WDR62: variants seen among roughly 807,000 people sequenced by gnomAD.
WDR62 encodes the protein WD repeat-containing protein 62.
WDR62 carries 112 observed loss-of-function variants against 160.6 expected under a neutral mutation model. The ratio of observed to expected loss-of-function variants is 0.70; its 90% CI spans 0.60 to 0.82. The LOEUF (loss-of-function observed/expected upper bound fraction) is 0.82, where lower values mean the gene tolerates loss of function less well. Among genes scored for constraint, WDR62 ranks in the 40% least tolerant of loss-of-function variants. WDR62 has a pLI of 0.00. For synonymous variants in WDR62, 792 were observed against 815.1 expected, an observed-to-expected ratio of 0.97 and a Z score of 0.48; for missense variants, 1,819 against 1,983.8, an observed-to-expected ratio of 0.92 and a Z score of 1.58.
intron 20 of WDR62, among the ~76,000 whole-genome samples, chr19:36,096,635 C>T (rs749593262): frequency 1.3e-5 from 2 of 150,874 alleles, no homozygotes; most frequent in Non-Finnish European, 2.9e-5. Context: ...GGCATGAACC[C>T]GGGAGGTGGA....
chr19:36,057,072 C>G (rs1249470391), intron 1 of WDR62, among the ~76,000 whole-genome samples: 1 of 152,158 alleles, frequency 6.6e-6, no homozygotes, highest in Non-Finnish European at 1.5e-5. Flanking sequence ...GCCTCGGCCT[C>G]CCAAAGTGCT....
At chr19:36,095,874 C>T (rs1548505) in intron 20 of WDR62, among the ~76,000 whole-genome samples, 63,007 of 152,184 alleles carry the variant, frequency 0.41, 13,673 homozygotes, top group East Asian at 0.56. Context: ...CAAAGTCTCT[C>T]ATCTACCTGT....
At chr19:36,072,639 G>T (rs1372649352) in intron 8 of WDR62, among the ~76,000 whole-genome samples, 1 of 152,076 alleles carries the variant, frequency 6.6e-6, no homozygotes, top group Non-Finnish European at 1.5e-5. Context: ...GCTAGCTCCT[G>T]GGTGCCTTTT....
chr19:36,073,043 A>G (rs1000650770), intron 8 of WDR62, among the ~76,000 whole-genome samples: 2 of 152,138 alleles, frequency 1.3e-5, no homozygotes, highest in African/African-American at 4.8e-5. Context: ...TTATCTTTCT[A>G]TGCTCAGAGA....
At chr19:36,102,302 C>T in intron 26 of WDR62, 151 bp downstream of exon 26, 2 of 1,189,086 alleles carry the variant, frequency 1.7e-6, no homozygotes, top group East Asian at 2.4e-5. Flanking sequence ...CGCTCTGTTG[C>T]CAGGCTGGAG....
At position 36,099,632 on chromosome 19, in the gene WDR62, C is replaced by G. The variant is rs764256165; in HGVS notation, c.2739+15C>G. The G allele has an allele frequency of 6.2e-6, 10 of 1,613,320 alleles. No homozygotes were observed. Among genetic ancestry groups the G allele is most frequent in the Non-Finnish European group, 8.5e-6 (10 of 1,179,590 alleles). Reference sequence around the variant, plus strand: ...TGCTGAGTGAGGTACACACTTCCACCGCAGCCTGGCCCATAGCCCCGGCAC... The same window carrying G: ...TGCTGAGTGAGGTACACACTTCCACGGCAGCCTGGCCCATAGCCCCGGCAC... On this transcript the variant is annotated intron_variant, in intron 22 of 31. Transcript: ENST00000401500.
the WDR62 span, among the ~76,000 whole-genome samples, chr19:36,110,406 G>T: frequency 3.9e-5 from 6 of 152,054 alleles, no homozygotes; most frequent in Non-Finnish European, 8.8e-5. Context: ...GGGAGGTGGA[G>T]GTTCCAGTGA....
At position 36,092,693 on chromosome 19, in the gene WDR62, G is replaced by C; in HGVS notation, c.2215G>C (p.Val739Leu). The change falls in exon 19 of 32, where the codon GTG (valine) becomes CTG (leucine). Residue 739 changes from valine to leucine, a missense_variant. Physicochemically the swap from Val to Leu is conservative, Grantham distance 32. Around this residue, in one of 3 missense-constraint regions of WDR62, gnomAD observed 934 missense variants for 1,157.2 expected, o/e 0.81. Coordinates refer to ENST00000401500, the MANE Select transcript of WDR62 (RefSeq NM_001083961.2). ...GTCTCTCTTTGACCTCCGCAGCTGC[G>C]TGTTCATCTGGCACCTGGGCCCGGA... ...HLITVSGDSC[V>L]FIWHLGPEIT... is the part of the protein sequence containing the mutation. 2 of 1,614,136 alleles carry C rather than the reference G, an allele frequency of 1.2e-6. No individual in the cohort carries two copies. The highest frequency in any genetic ancestry group is 1.7e-6 in the Non-Finnish European group (2 of 1,179,990).
intron 1 of WDR62, among the ~76,000 whole-genome samples, chr19:36,057,487 C>T (rs1970428794): frequency 6.6e-6 from 1 of 150,912 alleles, no homozygotes; most frequent in African/African-American, 2.4e-5. Flanking sequence ...ATGGGTAACC[C>T]CTCTTGGCCT....
rs1016993 is a variant in WDR62, at chr19:36,083,547, G to A, written c.1550+306G>A. Among the ~76,000 whole-genome samples the A allele has an allele frequency of 0.036, 5,439 of 152,270 alleles. 141 individuals carry two copies. Among genetic ancestry groups the A allele is most frequent in the East Asian group, 0.11 (579 of 5,168 alleles). Reference sequence around the variant, plus strand: ...CACTTTCACCAGCCACATGGTACCAGTGCTGAACTGTCACCGAAGATGCCA... The same window carrying A: ...CACTTTCACCAGCCACATGGTACCAATGCTGAACTGTCACCGAAGATGCCA... On this transcript the variant is annotated intron_variant, in intron 11 of 31. Transcript: ENST00000401500.
intron 7 of WDR62, chr19:36,070,162 C>T (rs1599767402): frequency 7.4e-6 from 1 of 134,304 alleles, no homozygotes; most frequent in Non-Finnish European, 1.6e-5. Context: ...TTTATTTTTA[C>T]TTTTTTTTTT....
intron 13 of WDR62, 148 bp downstream of exon 13, chr19:36,086,960 G>A: frequency 6.3e-6 from 8 of 1,265,440 alleles, no homozygotes; most frequent in Non-Finnish European, 8.7e-6. Flanking sequence ...GGGGCCGGGT[G>A]TAATGGCTCA....
downstream of WDR62, among the ~76,000 whole-genome samples, chr19:36,108,140 C>G (rs147717529): frequency 6.6e-6 from 1 of 152,218 alleles, no homozygotes; most frequent in East Asian, 1.9e-4. Flanking sequence ...AGCCCTGACT[C>G]CCACACAGGA....
intron 5 of WDR62, among the ~76,000 whole-genome samples, chr19:36,066,999 T>G (rs1409546543): frequency 6.6e-6 from 1 of 152,200 alleles, no homozygotes; most frequent in African/African-American, 2.4e-5. Flanking sequence ...CCATAGGTTG[T>G]GTTGTCCTTA....
In WDR62 at chr19:36,065,903, G is replaced by A. The variant is rs1970911268; in HGVS notation, c.333-55G>A. The A allele has an allele frequency of 6.3e-6, 10 of 1,575,534 alleles. No individual in the cohort carries two copies. The South Asian group carries it at 8.9e-5, about 14-fold the overall frequency. On this transcript the variant is annotated intron_variant, in intron 3 of 31. Transcript: ENST00000401500. ...GTCCTATCAGAGTCGCCAGGATGGG[G>A]TCTGGCTGGCCACCCTCAGCGGAAC...
chr19:36,091,422 T>A lies in WDR62; in HGVS notation c.2167T>A (p.Phe723Ile). The A allele has an allele frequency of 6.2e-7, 1 of 1,613,196 alleles. No individual in the cohort carries two copies. Among genetic ancestry groups the A allele is most frequent in the Non-Finnish European group, 8.5e-7 (1 of 1,179,628 alleles). ...GHSEIITSMKFTYDCHHLITV... is the reference protein window; with the variant it reads ...GHSEIITSMKITYDCHHLITV... The stretch of plus-strand genomic sequence containing the variant: ...TGCAGAAATTATTACCAGCATGAAG[T>A]TCACCTATGACTGTCATCACTTGAT... Residue 723 changes from phenylalanine to isoleucine, a missense_variant, in exon 18 of 32, where the codon TTC becomes ATC. Physicochemically the swap from Phe to Ile is conservative, Grantham distance 21 (BLOSUM62 0). Transcript: ENST00000401500.
chr19:36,103,162 G>A lies in WDR62; in HGVS notation c.3469G>A (p.Ala1157Thr), dbSNP rs144347678. 24 of 1,613,892 alleles carry A rather than the reference G, an allele frequency of 1.5e-5. No individual in the cohort carries two copies. The highest frequency in any genetic ancestry group is 3.3e-5 in the Admixed American group (2 of 60,002). Residue 1157 changes from alanine to threonine, a missense_variant, in exon 29 of 32, where the codon GCT (alanine) becomes ACT (threonine). This residue lies in a region of WDR62 where 770 missense variants were observed against 734.2 expected (regional missense o/e 1.05). Transcript: ENST00000401500. The stretch of plus-strand genomic sequence containing the variant: ...CTCAGAGCTGTGCCTGCAGGTCCTC[G>A]CTGCAGGGAAGGCTGAAGAGACCCT... The part of the protein sequence containing the change: ...YASPDRTHVL[A>T]AGKAEETLEA...
intron 1 of WDR62, among the ~76,000 whole-genome samples, chr19:36,057,706 A>T (rs543514968): frequency 2.8e-5 from 4 of 142,368 alleles, no homozygotes; most frequent in African/African-American, 9.9e-5. Context: ...TAGTAGAGAC[A>T]GGGTTTCGCC....
chr19:36,086,178 C>T (rs566384170), intron 12 of WDR62, among the ~76,000 whole-genome samples: 2 of 152,196 alleles, frequency 1.3e-5, no homozygotes, highest in South Asian at 4.2e-4. Context: ...TCCTGATCTC[C>T]CCTCTGCCTC....
Sources: gnomAD v4.1 joint callset for allele counts (sites outside exome capture counted in the v4.1 genomes callset) on GRCh38, gnomAD v4.1.1 for gene constraint, gnomAD v4.1.1 regional missense constraint, MANE v1.5 for transcripts, NCBI Gene and HGNC (gene_info 2026-07-23, HGNC 2026-07-21) for gene names.